Variants in FAT1 observed in about 807,000 individuals in gnomAD.
The protein encoded by FAT1 is protocadherin Fat 1.
Under a neutral mutation model 329.8 loss-of-function variants are expected in FAT1, and 171 were observed. That is an observed-to-expected ratio of 0.52 (90% CI 0.46 to 0.59). The LOEUF is 0.59. Ranked by LOEUF, FAT1 falls within the 20% of genes least tolerant of loss-of-function variation. The pLI, the probability that FAT1 is intolerant of heterozygous loss-of-function variation, is 0.00. For missense variants in FAT1, 5,672 were observed against 5,774.4 expected (o/e 0.98, Z 0.57); for synonymous variants, 2,233 against 2,228.6 (o/e 1.00, Z -0.06).
rs2126468949 is a variant in FAT1 at position 186,611,629 on chromosome 4, G to C, written c.9610C>G (p.Gln3204Glu). The C allele has an allele frequency of 6.2e-7, 1 of 1,613,472 alleles. No homozygotes were observed. The highest frequency in any genetic ancestry group is 8.5e-7 in the Non-Finnish European group (1 of 1,179,700). Residue 3204 changes from glutamine (Q) to glutamate (E), a missense_variant, in exon 14 of 27, where the codon CAA (glutamine) becomes GAA (glutamate). Around this residue, in one of 2 missense-constraint regions of FAT1, gnomAD observed 1,706 missense variants for 1,859.1 expected, o/e 0.92. Coordinates refer to ENST00000441802, the MANE Select transcript of FAT1 (RefSeq NM_005245.4). ...VYTLSLKAVDQGLPRRLTATG... is the reference protein window; with the variant it reads ...VYTLSLKAVDEGLPRRLTATG... ...GCAGTCAGCCTCCTTGGCAAGCCTT[G>C]ATCCACAGCTTTCAAAGAGAGGGTG...
chr4:186,674,752 G>A (rs759230404), intron 2 of FAT1, among the ~76,000 whole-genome samples: 79 of 152,262 alleles, frequency 5.2e-4, no homozygotes, highest in Admixed American at 2.2e-3. Flanking sequence ...ATTAAAAGGC[G>A]GCCAGGTACA....
chr4:186,632,033 C>T (rs1011055124), intron 7 of FAT1, among the ~76,000 whole-genome samples: 21 of 152,230 alleles, frequency 1.4e-4, no homozygotes, highest in African/African-American at 5.1e-4. Context: ...TCTCTGCCAG[C>T]GATTAGGATA....
chr4:186,658,109 T>C (rs1176764829), intron 3 of FAT1, among the ~76,000 whole-genome samples: 1 of 152,182 alleles, frequency 6.6e-6, no homozygotes, highest in Non-Finnish European at 1.5e-5. Flanking sequence ...ACCCTGTAAC[T>C]GATGATGGAC....
intron 9 of FAT1, among the ~76,000 whole-genome samples, chr4:186,627,524 G>GTT (rs77562147): frequency 6.6e-6 from 1 of 151,836 alleles, no homozygotes; most frequent in African/African-American, 2.4e-5. Flanking sequence ...AGCTCCAGCT[G>GTT]TTTTTTTTGC....
rs1449260733 is a variant in FAT1, at chr4:186,597,254, T to C, written c.12369-83A>G. 10 of 1,371,046 alleles carry C rather than the reference T, an allele frequency of 7.3e-6. No homozygotes were observed. In the Admixed American group the frequency reaches 2.8e-4, roughly 39 times the overall value. The allele number at this position is 1,371,046 out of a possible 1,614,324, so 84.9% of individuals were successfully genotyped here. A position where few individuals can be genotyped will look rare whatever the true frequency, so the allele number is the denominator to read the frequency against. On this transcript the variant is annotated intron_variant, in intron 24 of 26. Coordinates refer to ENST00000441802, the MANE Select transcript of FAT1 (RefSeq NM_005245.4). ...GGCTCAATCCTTAGAGACTGAAGACTAATCCCTCCTTGATGAGCTATGTGA... is the reference window on the plus strand; with the variant it reads ...GGCTCAATCCTTAGAGACTGAAGACCAATCCCTCCTTGATGAGCTATGTGA...
chr4:186,623,577 T>G (rs192976538), intron 9 of FAT1, among the ~76,000 whole-genome samples: 1 of 152,236 alleles, frequency 6.6e-6, no homozygotes, highest in African/African-American at 2.4e-5. Flanking sequence ...GCTTCAAATA[T>G]GCAAGGCCTC....
intron 1 of FAT1, among the ~76,000 whole-genome samples, chr4:186,717,733 G>A (rs180947864): frequency 2.0e-5 from 3 of 152,322 alleles, no homozygotes; most frequent in African/African-American, 7.2e-5. Flanking sequence ...GGTTCTAGTT[G>A]TTCTGTGCTC....
At chr4:186,705,922 G>A (rs1744564160) in intron 2 of FAT1, among the ~76,000 whole-genome samples, 1 of 152,094 alleles carries the variant, frequency 6.6e-6, no homozygotes, top group East Asian at 1.9e-4. Flanking sequence ...TGTAGAAGAG[G>A]AAAAAGTTAG....
At chr4:186,629,256 T>C (rs1349304736) in intron 7 of FAT1, among the ~76,000 whole-genome samples, 1 of 152,182 alleles carries the variant, frequency 6.6e-6, no homozygotes, top group Admixed American at 6.5e-5. Context: ...GTTTTTTTAA[T>C]ACGTAAAAAG....
chr4:186,617,580 T>C (rs1314738015), intron 10 of FAT1, 128 bp downstream of exon 10: 2 of 758,714 alleles, frequency 2.6e-6, no homozygotes, highest in African/African-American at 1.8e-5. Context: ...TTTCTACGTA[T>C]TATTTTAGAT....
rs1739838024 is a variant in FAT1 at position 186,618,472 on chromosome 4, T to A, written c.8114A>T (p.Glu2705Val). Residue 2705 changes from glutamate to valine, a missense_variant, in exon 10 of 27, where the codon GAA becomes GTA. Physicochemically the swap from Glu to Val is moderately radical, Grantham distance 121. Transcript: ENST00000441802. The part of the protein sequence containing the change: ...PPEMQLPKFS[E>V]PFYTFTVSED... ...TGACACTGTAAAGGTATAGAAAGGT[T>A]CTGAAAATTTTGGAAGCTGCATTTC... 1 of 1,614,028 alleles carries A rather than the reference T, an allele frequency of 6.2e-7. No individual in the cohort carries two copies. The highest frequency in any genetic ancestry group is 2.2e-5 in the East Asian group (1 of 44,888).
Position 186,621,095 on chromosome 4 carries a change from T to C in FAT1, c.5491A>G (p.Thr1831Ala), listed in dbSNP as rs2126522116. 1.2e-6 allele frequency: 2 copies of C among 1,613,744 alleles called. No homozygotes were observed. The highest frequency in any genetic ancestry group is 1.7e-6 in the Non-Finnish European group (2 of 1,179,896). Residue 1831 changes from threonine (T) to alanine (A), a missense_variant, in exon 10 of 27, where the codon ACA becomes GCA. Around this residue, in one of 2 missense-constraint regions of FAT1, gnomAD observed 3,966 missense variants for 3,915.2 expected, o/e 1.01. Transcript: ENST00000441802. ...TCTTCATAGTCCAGACTTAGTACTG[T>C]ATGAATAGCACCAGTGCTAGAATCA... The part of the protein sequence containing the change: ...AIDSSTGAIH[T>A]VLSLDYEETS...
In FAT1 at chr4:186,617,892, T is replaced by C. The variant is rs1385983003; in HGVS notation, c.8694A>G (p.Leu2898=). ...TAACATCCACAATGGCTGTGGAGGA[T>C]AGCTGGATCTTTTCACCATGATCTG... is the stretch of plus-strand genomic sequence containing the variant. ...VASDHGEKIQ[L]SSTAIVDVTV... Residue 2898 remains leucine, a synonymous_variant, in exon 10 of 27, where the codon CTA becomes CTG. Transcript: ENST00000441802. The C allele has an allele frequency of 3.1e-6, 5 of 1,614,034 alleles. No homozygotes were observed. The South Asian group carries it at 3.3e-5, about 11-fold the overall frequency.
At chr4:186,595,048 T>C (rs1379354802) in intron 26 of FAT1, among the ~76,000 whole-genome samples, 2 of 152,176 alleles carry the variant, frequency 1.3e-5, no homozygotes, top group Non-Finnish European at 2.9e-5. Flanking sequence ...TAGTTATCAA[T>C]GCAATTTACC....
intron 1 of FAT1, among the ~76,000 whole-genome samples, chr4:186,710,860 AAGAG>A (rs1355208358): frequency 6.6e-6 from 1 of 152,204 alleles, no homozygotes; most frequent in African/African-American, 2.4e-5. Flanking sequence ...TGGCGGAGAA[AAGAG>A]AGAAACTGAA....
intron 1 of FAT1, 102 bp downstream of exon 1, chr4:186,723,562 C>G (rs1472114377): frequency 6.6e-6 from 1 of 152,266 alleles, no homozygotes; most frequent in Non-Finnish European, 1.5e-5. Context: ...TCGGCAGCGC[C>G]GGAGCCCGAG....
chr4:186,724,341 G>A (rs1474114038), upstream of FAT1, among the ~76,000 whole-genome samples: 1 of 152,060 alleles, frequency 6.6e-6, no homozygotes, highest in African/African-American at 2.4e-5. The surrounding 1 kb of genome is among the most constrained non-coding windows in gnomAD (Gnocchi z 5.3). Context: ...TCGTCCTTCA[G>A]GTCTCCAAAG....
chr4:186,597,847 C>G (rs1037664539), intron 23 of FAT1, 55 bp from the exon 24 acceptor site: 27 of 1,572,798 alleles, frequency 1.7e-5, no homozygotes, highest in Non-Finnish European at 2.1e-5. Flanking sequence ...CAAATAAATA[C>G]AGCAAAACAG....
At chr4:186,725,015 G>A (rs1745671741), upstream of FAT1, among the ~76,000 whole-genome samples, 1 of 152,178 alleles carries the variant, frequency 6.6e-6, no homozygotes, top group Admixed American at 6.5e-5. The surrounding 1 kb of genome is among the most constrained non-coding windows in gnomAD (Gnocchi z 5.4). Flanking sequence ...GTGTCTAGCA[G>A]GTTGTGGCTG....
Sources: gnomAD v4.1 joint callset for allele counts (sites outside exome capture counted in the v4.1 genomes callset) on GRCh38, gnomAD v4.1.1 for gene constraint, gnomAD v4.1.1 regional missense constraint, Gnocchi (gnomAD v3.1) non-coding constraint, MANE v1.5 for transcripts, NCBI Gene and HGNC (gene_info 2026-07-23, HGNC 2026-07-21) for gene names.